The following MAPK6 variants were observed in gnomAD, a reference collection of about 807,000 sequenced individuals.
MAPK6 encodes ERK-3.
A neutral mutation model predicts 59.3 loss-of-function variants in MAPK6; 19 were observed. The ratio of observed to expected loss-of-function variants is 0.32; its 90% CI spans 0.22 to 0.47. MAPK6 has a LOEUF of 0.47. MAPK6 is among the 20% of genes least tolerant of loss of function. The pLI is 1.00. For synonymous variants in MAPK6, 316 were observed against 290.3 expected (o/e 1.09, Z -0.90); for missense variants, 724 against 847.9 (o/e 0.85, Z 1.81).
intron 5 of MAPK6, among the ~76,000 whole-genome samples, chr15:52,063,459 C>T (rs968559338): frequency 1.3e-5 from 2 of 152,168 alleles, no homozygotes; most frequent in African/African-American, 2.4e-5. Context: ...TTCAGCAGCA[C>T]GTATACACAG....
chr15:52,060,482 T>G (rs887496080), intron 4 of MAPK6, among the ~76,000 whole-genome samples: 4 of 152,162 alleles, frequency 2.6e-5, no homozygotes, highest in Admixed American at 6.5e-5. Flanking sequence ...AGTATGAATT[T>G]GTAATGAGCC....
chr15:52,036,266 A>C (rs1289365693), intron 1 of MAPK6, among the ~76,000 whole-genome samples: 1 of 152,250 alleles, frequency 6.6e-6, no homozygotes, highest in Non-Finnish European at 1.5e-5. Context: ...TGATGTAGCC[A>C]CAGATCCTGG....
chr15:52,022,341 A>G (rs2030567984), intron 1 of MAPK6, among the ~76,000 whole-genome samples: 1 of 152,038 alleles, frequency 6.6e-6, no homozygotes, highest in South Asian at 2.1e-4. Flanking sequence ...GTTCACTGCA[A>G]CCTCTACTTC....
At chr15:51,997,694 G>A (rs145802199) in intron 2 of MAPK6, among the ~76,000 whole-genome samples, 2,033 of 147,548 alleles carry the variant, frequency 0.014, 45 homozygotes, top group African/African-American at 0.049. Context: ...GGGTTCAAGC[G>A]ATTCTCCTGC....
chr15:52,021,877 T>G (rs1047414037), intron 1 of MAPK6, among the ~76,000 whole-genome samples: 7 of 152,212 alleles, frequency 4.6e-5, no homozygotes, highest in African/African-American at 1.7e-4. Flanking sequence ...TAGTCACTAT[T>G]TTTCATGGTT....
rs1222826559 is a variant in MAPK6, at chr15:51,991,148, T to TATAC, written c.-770+7834_-770+7835insTACA. Among the ~76,000 whole-genome samples the TATAC allele has an allele frequency of 2.7e-4, 38 of 140,726 alleles. 2 individuals carry two copies. The highest frequency in any genetic ancestry group is 1.4e-3 in the South Asian group (6 of 4,398). The allele number at this position is 140,726 out of a possible 152,430, so 92.3% of individuals were successfully genotyped here. The stretch of plus-strand genomic sequence containing the variant: ...CATCTCAAAAAGAAATATATATATA[T>TATAC]ACACACACACACACACACACACACA... On this transcript the variant is annotated intron_variant, in intron 2 of 7. Coordinates refer to the MAPK6 transcript ENST00000691380.
chr15:52,028,746 T>G (rs1390900283), intron 1 of MAPK6, among the ~76,000 whole-genome samples: 1 of 152,192 alleles, frequency 6.6e-6, no homozygotes, highest in Admixed American at 6.5e-5. Flanking sequence ...CACATTATTC[T>G]CTAGCTACAG....
chr15:52,003,265 T>C (rs1413758901), intron 2 of MAPK6, among the ~76,000 whole-genome samples: 3 of 151,882 alleles, frequency 2.0e-5, no homozygotes, highest in Non-Finnish European at 2.9e-5. Context: ...GAGAACAGCA[T>C]GGGGGAAACC....
At chr15:52,057,339 T>C (rs747249792) in intron 3 of MAPK6, 7 of 152,146 alleles carry the variant, frequency 4.6e-5, no homozygotes, top group Non-Finnish European at 7.3e-5. Flanking sequence ...AGCAAACCCT[T>C]TGTTCTAGTA....
upstream of MAPK6, chr15:52,019,160 G>A (rs527631179): frequency 6.6e-6 from 1 of 152,178 alleles, no homozygotes; most frequent in South Asian, 2.1e-4. Flanking sequence ...GGGGGCGGGA[G>A]AACCCGTGGA....
At chr15:52,062,634 G>A (rs543267013) in intron 5 of MAPK6, among the ~76,000 whole-genome samples, 2 of 152,092 alleles carry the variant, frequency 1.3e-5, no homozygotes, top group East Asian at 1.9e-4. Flanking sequence ...GCTTGATGGC[G>A]GGCTCTTGTA....
chr15:52,060,413 AAAG>A (rs2032154573), intron 4 of MAPK6, among the ~76,000 whole-genome samples: 2 of 152,190 alleles, frequency 1.3e-5, no homozygotes, highest in South Asian at 2.1e-4. Flanking sequence ...TGAGAATGAT[AAAG>A]AAGACCGAGA....
At chr15:51,985,724 C>T (rs574560708) in intron 2 of MAPK6, among the ~76,000 whole-genome samples, 12 of 151,988 alleles carry the variant, frequency 7.9e-5, no homozygotes, top group Non-Finnish European at 1.5e-4. Context: ...TTTGGGAGGC[C>T]GAGGCGGGCA....
chr15:52,007,219 C>T (rs1182947696), intron 3 of MAPK6, among the ~76,000 whole-genome samples: 2 of 152,106 alleles, frequency 1.3e-5, no homozygotes, highest in Non-Finnish European at 2.9e-5. Context: ...GGACACTTAC[C>T]CCCAAGGGCA....
Position 52,065,086 on chromosome 15 carries a change from T to C in MAPK6, c.*86T>C, listed in dbSNP as rs2032364068. 1 of 1,262,640 alleles carries C rather than the reference T, an allele frequency of 7.9e-7. No individual in the cohort carries two copies. Among genetic ancestry groups the C allele is most frequent in the Non-Finnish European group, 1.1e-6 (1 of 928,160 alleles). 78.2% of individuals were successfully genotyped at this position (1,262,640 alleles called of 1,614,324 possible). A position where few individuals can be genotyped will look rare whatever the true frequency, so the allele number is the denominator to read the frequency against. On this transcript the variant is annotated 3_prime_UTR_variant, in exon 6 of 6. Transcript: ENST00000261845. The stretch of plus-strand genomic sequence containing the variant: ...ACTAGTGTTTAAGTCATTTTTTACT[T>C]GAATCAGATGGTGTCATTTAGTAAG...
chr15:51,987,654 C>G (rs1413333317), intron 2 of MAPK6, among the ~76,000 whole-genome samples: 1 of 151,910 alleles, frequency 6.6e-6, no homozygotes, highest in Non-Finnish European at 1.5e-5. Context: ...GTAAAACCAA[C>G]CCAGTACCCT....
At chr15:52,020,289 G>C (rs1183893670) in intron 1 of MAPK6, among the ~76,000 whole-genome samples, 1 of 152,174 alleles carries the variant, frequency 6.6e-6, no homozygotes, top group African/African-American at 2.4e-5. Flanking sequence ...GGTGTTAGGG[G>C]GATCTCTGTG....
rs1301634439 is a variant in MAPK6, at chr15:52,019,242, C to G, written c.-766C>G. On this transcript the variant is annotated 5_prime_UTR_variant, in exon 1 of 6. Transcript: ENST00000261845. ...CTCTTCCTCGCCCTCTCTCGCGGGT[C>G]GGGGTTACATGGCGGCGACTGCGGC... is the stretch of plus-strand genomic sequence containing the variant. 6.6e-6 allele frequency: 1 copy of G among 152,090 alleles called. No homozygotes were observed. Among genetic ancestry groups the G allele is most frequent in the South Asian group, 2.1e-4 (1 of 4,828 alleles). 9.4% of individuals were successfully genotyped at this position (152,090 alleles called of 1,614,324 possible).
chr15:51,985,285 A>G (rs2057187207), intron 2 of MAPK6, among the ~76,000 whole-genome samples: 1 of 151,142 alleles, frequency 6.6e-6, no homozygotes, highest in East Asian at 2.0e-4. Context: ...CCAGGCTACC[A>G]TGAGCCACAA....
Sources: allele counts gnomAD v4.1 joint callset (sites outside exome capture counted in the v4.1 genomes callset), GRCh38; gene constraint gnomAD v4.1.1; transcripts MANE v1.5; gene names NCBI Gene and HGNC (gene_info 2026-07-23, HGNC 2026-07-21).